TNFRSF11B: variants seen among roughly 807,000 people sequenced by gnomAD.
The protein encoded by TNFRSF11B is TNF receptor superfamily member 11b.
Under a neutral mutation model 43.4 loss-of-function variants are expected in TNFRSF11B, and 16 were observed. The observed-to-expected ratio is 0.37, with a 90% CI of 0.25 to 0.56. The LOEUF is 0.56. Among genes scored for constraint, TNFRSF11B ranks in the 20% least tolerant of loss-of-function variants. The probability of loss-of-function intolerance (pLI) is 0.80; values close to 1 mark genes in which losing one functional copy is unlikely to be tolerated. For missense variants in TNFRSF11B, 444 were observed against 490.1 expected (o/e 0.91, Z 0.89); for synonymous variants, 185 against 181.8 (o/e 1.02, Z -0.14).
chr8:118,951,553 T>C (rs1405233959), intron 1 of TNFRSF11B, among the ~76,000 whole-genome samples: 2 of 152,220 alleles, frequency 1.3e-5, no homozygotes, highest in Non-Finnish European at 2.9e-5. Context: ...TCTCTCTCGC[T>C]GTCTGTCTCT....
intron 2 of TNFRSF11B, among the ~76,000 whole-genome samples, chr8:118,929,993 A>C (rs1344800429): frequency 1.3e-5 from 2 of 152,230 alleles, no homozygotes; most frequent in Non-Finnish European, 2.9e-5. Flanking sequence ...AAGGGGCAAA[A>C]TGGACTGGTT....
intron 1 of TNFRSF11B, among the ~76,000 whole-genome samples, chr8:118,948,122 T>C (rs1324434959): frequency 6.6e-6 from 1 of 152,202 alleles, no homozygotes; most frequent in African/African-American, 2.4e-5. Context: ...AATTGAGAAC[T>C]ACTGCCCTAC....
At chr8:118,924,897 G>T in intron 4 of TNFRSF11B, 135 bp from the exon 5 acceptor site, 1 of 1,095,304 alleles carries the variant, frequency 9.1e-7, no homozygotes, top group South Asian at 1.4e-5. Context: ...TCTTTTGAGA[G>T]GGAGTTAAGT....
chr8:118,941,419 CAG>C (rs569169318), intron 1 of TNFRSF11B, among the ~76,000 whole-genome samples: 26 of 152,220 alleles, frequency 1.7e-4, no homozygotes, highest in Non-Finnish European at 3.2e-4. Flanking sequence ...CCTAGGCAAA[CAG>C]GGGAAAAGAA....
At chr8:118,938,319 C>G (rs1167366367) in intron 1 of TNFRSF11B, among the ~76,000 whole-genome samples, 1 of 152,044 alleles carries the variant, frequency 6.6e-6, no homozygotes, top group Non-Finnish European at 1.5e-5. Flanking sequence ...TGTATTAAAG[C>G]AACTCTGTGC....
rs1347938177 is a variant in TNFRSF11B at position 118,933,267 on chromosome 8, C to T, written c.64G>A (p.Glu22Lys). ...TGAAGGTACTTTGGAGGAAACGTTTCCTGGGTGGTCCACTTAATGGAGATG... is the reference window on the plus strand; with the variant it reads ...TGAAGGTACTTTGGAGGAAACGTTTTCTGGGTGGTCCACTTAATGGAGATG... ...LDISIKWTTQ[E>K]TFPPKYLHYD... The change falls in exon 2 of 5, where the codon GAA (glutamate) becomes AAA (lysine). Residue 22 changes from glutamate (E) to lysine (K), a missense_variant. Glu to Lys is a moderately conservative substitution (Grantham distance 56). Coordinates refer to ENST00000297350, the MANE Select transcript of TNFRSF11B (RefSeq NM_002546.4). 1.2e-6 allele frequency: 2 copies of T among 1,613,926 alleles called. No homozygotes were observed. Among genetic ancestry groups the T allele is most frequent in the Admixed American group, 1.7e-5 (1 of 60,018 alleles).
intron 1 of TNFRSF11B, among the ~76,000 whole-genome samples, chr8:118,937,179 G>T (rs1431441732): frequency 6.6e-6 from 1 of 152,180 alleles, no homozygotes; most frequent in African/African-American, 2.4e-5. Flanking sequence ...AGCAGACAAT[G>T]GTAGAAGGTG....
chr8:118,947,972 A>C (rs1473984861), intron 1 of TNFRSF11B, among the ~76,000 whole-genome samples: 1 of 152,200 alleles, frequency 6.6e-6, no homozygotes, highest in Non-Finnish European at 1.5e-5. Context: ...TTACTTCTTT[A>C]TAATATAGTT....
chr8:118,930,768 C>T (rs774817104), intron 2 of TNFRSF11B: 1 of 451,704 alleles, frequency 2.2e-6, no homozygotes, highest in Admixed American at 2.4e-5. Context: ...TCTCCTGCAT[C>T]CTAATGAGAA....
At chr8:118,947,056 A>G (rs1167159010) in intron 1 of TNFRSF11B, among the ~76,000 whole-genome samples, 1 of 152,170 alleles carries the variant, frequency 6.6e-6, no homozygotes, top group East Asian at 1.9e-4. Context: ...AATCTGGTAC[A>G]TTTTTGTTAC....
At chr8:118,948,308 A>C (rs3102732) in intron 1 of TNFRSF11B, among the ~76,000 whole-genome samples, 87,075 of 151,610 alleles carry the variant, frequency 0.57, 25,998 homozygotes, top group African/African-American at 0.75. Flanking sequence ...TTTTGGCTGC[A>C]AAGGAGAAAC....
Position 118,926,680 on chromosome 8 carries a change from C to G in TNFRSF11B, c.631G>C (p.Val211Leu), listed in dbSNP as rs977797503. The change falls in exon 4 of 5, where the codon GTT becomes CTT. Residue 211 changes from valine (V) to leucine (L), a missense_variant. Coordinates refer to ENST00000297350, the MANE Select transcript of TNFRSF11B (RefSeq NM_002546.4). ...LCEEAFFRFA[V>L]PTKFTPNWLS... is the part of the protein sequence containing the mutation. ...CAGTTAGGCGTAAACTTTGTAGGAA[C>G]AGCAAACCTGAAGAATGCCTCCTCA... The G allele has an allele frequency of 3.7e-6, 6 of 1,613,926 alleles. No homozygotes were observed. Among genetic ancestry groups the G allele is most frequent in the Middle Eastern group, 3.3e-4 (2 of 6,084 alleles).
intron 3 of TNFRSF11B, among the ~76,000 whole-genome samples, chr8:118,927,513 G>A (rs1228177221): frequency 6.9e-6 from 1 of 145,580 alleles, no homozygotes; most frequent in East Asian, 2.0e-4. Flanking sequence ...TAAAGAGAAT[G>A]TTAAAATTTG....
At chr8:118,925,573 C>T (rs1318030038) in intron 4 of TNFRSF11B, among the ~76,000 whole-genome samples, 1 of 152,190 alleles carries the variant, frequency 6.6e-6, no homozygotes, top group African/African-American at 2.4e-5. Context: ...GCAATCAGCT[C>T]TCAAAGACGT....
intron 2 of TNFRSF11B, among the ~76,000 whole-genome samples, chr8:118,931,599 A>G (rs1044220131): frequency 1.3e-5 from 2 of 152,192 alleles, no homozygotes; most frequent in African/African-American, 4.8e-5. Context: ...AGTACCATCC[A>G]ATAGAAAGTA....
At chr8:118,941,990 C>T (rs553679177) in intron 1 of TNFRSF11B, among the ~76,000 whole-genome samples, 1 of 152,136 alleles carries the variant, frequency 6.6e-6, no homozygotes, top group Non-Finnish European at 1.5e-5. Flanking sequence ...AGCACCGCTA[C>T]CTCAGGGTCT....
chr8:118,938,948 A>G (rs967889359), intron 1 of TNFRSF11B, among the ~76,000 whole-genome samples: 1 of 152,246 alleles, frequency 6.6e-6, no homozygotes, highest in Non-Finnish European at 1.5e-5. Context: ...CATTAAAAGA[A>G]GCCCACACAA....
chr8:118,938,627 A>G (rs1415968153), intron 1 of TNFRSF11B, among the ~76,000 whole-genome samples: 1 of 152,198 alleles, frequency 6.6e-6, no homozygotes, highest in Non-Finnish European at 1.5e-5. Flanking sequence ...TCTCAAGGGC[A>G]TAGAGTTAGA....
At chr8:118,927,964 A>G (rs1812269546) in intron 3 of TNFRSF11B, among the ~76,000 whole-genome samples, 1 of 152,004 alleles carries the variant, frequency 6.6e-6, no homozygotes, top group African/African-American at 2.4e-5. Context: ...AGTTCCATGC[A>G]ATAGATGCAC....
Sources: gnomAD v4.1 joint callset for allele counts (sites outside exome capture counted in the v4.1 genomes callset) on GRCh38, gnomAD v4.1.1 for gene constraint, MANE v1.5 for transcripts, NCBI Gene and HGNC (gene_info 2026-07-23, HGNC 2026-07-21) for gene names.